The following HAO2 variants were observed in gnomAD, a reference collection of about 807,000 sequenced individuals.
HAO2 encodes the protein hydroxyacid oxidase 2, also known as 2-Hydroxyacid oxidase 2.
Under a neutral mutation model 37.4 loss-of-function variants are expected in HAO2, and 42 were observed. That is an observed-to-expected ratio of 1.12 (90% CI 0.88 to 1.45). The LOEUF is 1.45. HAO2 is among the 40% of genes most tolerant of loss of function. The pLI, the probability that HAO2 is intolerant of heterozygous loss-of-function variation, is 0.00. For synonymous variants in HAO2, 180 were observed against 162.8 expected, an observed-to-expected ratio of 1.11 and a Z score of -0.81; for missense variants, 476 against 430.2, an observed-to-expected ratio of 1.11 and a Z score of -0.94.
In HAO2 at chr1:119,384,882, T is replaced by C. The variant is rs778452808; in HGVS notation, c.390T>C (p.Tyr130=). Residue 130 remains tyrosine, a synonymous_variant, in exon 4 of 8, where the codon TAT becomes TAC. Coordinates refer to ENST00000325945, the MANE Select transcript of HAO2 (RefSeq NM_016527.4). ...AAGGCCTCCGATGGTTCCAACTCTA[T>C]GTGCATCCAGACCTGCAGCTGAACA... The part of the protein sequence containing the change: ...APEGLRWFQL[Y]VHPDLQLNKQ... The C allele has an allele frequency of 1.2e-6, 2 of 1,613,890 alleles. No individual in the cohort carries two copies. Among genetic ancestry groups the C allele is most frequent in the South Asian group, 1.1e-5 (1 of 91,086 alleles).
At chr1:119,369,312 C>A (rs1276634034) in intron 1 of HAO2, among the ~76,000 whole-genome samples, 1 of 152,168 alleles carries the variant, frequency 6.6e-6, no homozygotes, top group Non-Finnish European at 1.5e-5. Flanking sequence ...CATGGCTATG[C>A]TCCTAAAAAA....
chr1:119,379,315 A>C (rs1435959226), intron 1 of HAO2, among the ~76,000 whole-genome samples: 1 of 152,192 alleles, frequency 6.6e-6, no homozygotes, highest in African/African-American at 2.4e-5. Flanking sequence ...CACATTGTTT[A>C]TACAAACAGT....
chr1:119,387,875 T>C (rs1010057145), intron 5 of HAO2, among the ~76,000 whole-genome samples: 1 of 152,114 alleles, frequency 6.6e-6, no homozygotes, highest in Non-Finnish European at 1.5e-5. Context: ...TTCCAGGAAT[T>C]AGAAATTTGC....
chr1:119,374,373 G>T (rs1000098938), intron 1 of HAO2, among the ~76,000 whole-genome samples: 1 of 152,158 alleles, frequency 6.6e-6, no homozygotes, highest in African/African-American at 2.4e-5. Flanking sequence ...TGTTGACAAT[G>T]CCATGGTGAT....
At chr1:119,385,466 G>T in intron 4 of HAO2, 1 of 765,968 alleles carries the variant, frequency 1.3e-6, no homozygotes, top group Non-Finnish European at 1.6e-6. Flanking sequence ...CTCCAAAGGG[G>T]ATGTTCATGA....
Position 119,384,921 on chromosome 1 carries a change from G to A in HAO2, c.429G>A (p.Gln143=), listed in dbSNP as rs761660555. 1 of 1,613,934 alleles carries A rather than the reference G, an allele frequency of 6.2e-7. No individual in the cohort carries two copies. Among genetic ancestry groups the A allele is most frequent in the African/African-American group, 1.3e-5 (1 of 74,926 alleles). Residue 143 remains glutamine (Q), a synonymous_variant, in exon 4 of 8, where the codon CAG becomes CAA. Transcript: ENST00000325945. ...PDLQLNKQLI[Q]RVESLGFKAL... ...TGCAGCTGAACAAACAGTTGATCCA[G>A]AGGGTAGAATCCCTAGGTTTCAAAG...
In HAO2 at chr1:119,383,033, G is replaced by A. The variant is rs1346999515; in HGVS notation, c.250G>A (p.Val84Ile). Residue 84 changes from valine (V) to isoleucine (I), a missense_variant, in exon 3 of 8, where the codon GTC becomes ATC. Physicochemically the swap from Val to Ile is conservative, Grantham distance 29 (BLOSUM62 3). Coordinates refer to ENST00000325945, the MANE Select transcript of HAO2 (RefSeq NM_016527.4). ...CIAPTGFHCL[V>I]WPDGEMSTAR... ...CGCACCCACAGGGTTCCACTGCCTT[G>A]TCTGGCCTGATGGGGAAATGAGCAC... 1 of 1,613,212 alleles carries A rather than the reference G, an allele frequency of 6.2e-7. No homozygotes were observed. The highest frequency in any genetic ancestry group is 8.5e-7 in the Non-Finnish European group (1 of 1,179,556).
chr1:119,384,127 G>A (rs1321006682), intron 3 of HAO2, among the ~76,000 whole-genome samples: 1 of 152,180 alleles, frequency 6.6e-6, no homozygotes, highest in Non-Finnish European at 1.5e-5. Context: ...CTGCCAGTCA[G>A]CAGCAGCCAT....
intron 7 of HAO2, among the ~76,000 whole-genome samples, 183 bp downstream of exon 7, chr1:119,392,870 C>T (rs1169888733): frequency 1.3e-5 from 2 of 152,102 alleles, no homozygotes. Context: ...CCAGAGCTGT[C>T]CTCAAGATCA....
At position 119,383,023 on chromosome 1, in the gene HAO2, C is replaced by T. The variant is rs758076294; in HGVS notation, c.240C>T (p.Phe80=). The change falls in exon 3 of 8, where the codon TTC becomes TTT. Residue 80 remains phenylalanine (F), a synonymous_variant. Coordinates refer to ENST00000325945, the MANE Select transcript of HAO2 (RefSeq NM_016527.4). The part of the protein sequence containing the change: ...SAPICIAPTG[F]HCLVWPDGEM... ...CTATTTGTATCGCACCCACAGGGTTCCACTGCCTTGTCTGGCCTGATGGGG... is the reference window on the plus strand; with the variant it reads ...CTATTTGTATCGCACCCACAGGGTTTCACTGCCTTGTCTGGCCTGATGGGG... The T allele has an allele frequency of 2.5e-6, 4 of 1,612,950 alleles. No homozygotes were observed. In the Admixed American group the frequency reaches 6.7e-5, roughly 27 times the overall value.
intron 5 of HAO2, among the ~76,000 whole-genome samples, chr1:119,388,933 C>T (rs1361834419): frequency 6.6e-6 from 1 of 150,556 alleles, no homozygotes; most frequent in African/African-American, 2.4e-5. Flanking sequence ...CCTTCACACC[C>T]TTTCTCCCTT....
At chr1:119,389,799 G>A (rs1398296530) in intron 5 of HAO2, among the ~76,000 whole-genome samples, 2 of 151,984 alleles carry the variant, frequency 1.3e-5, no homozygotes, top group Admixed American at 1.3e-4. Flanking sequence ...TTAATTAAGT[G>A]CCAGCTATTT....
rs879822775 is a variant in HAO2, at chr1:119,368,809, G to T, written c.-102G>T. ...TAGCCTGAACTGTGGGTAGTGATGT[G>T]GTGTGTTTCCTAACACCTCCGGCAG... On this transcript the variant is annotated 5_prime_UTR_variant, in exon 1 of 8. Coordinates refer to ENST00000325945, the MANE Select transcript of HAO2 (RefSeq NM_016527.4). 1 of 152,164 alleles carries T rather than the reference G, an allele frequency of 6.6e-6. No individual in the cohort carries two copies. Among genetic ancestry groups the T allele is most frequent in the Non-Finnish European group, 1.5e-5 (1 of 68,032 alleles). 9.4% of individuals were successfully genotyped at this position (152,164 alleles called of 1,614,324 possible).
Position 119,393,878 on chromosome 1 carries a change from A to T in HAO2, c.*38A>T. 6.2e-7 allele frequency: 1 copy of T among 1,612,018 alleles called. No individual in the cohort carries two copies. The highest frequency in any genetic ancestry group is 8.5e-7 in the Non-Finnish European group (1 of 1,178,442). On this transcript the variant is annotated 3_prime_UTR_variant, in exon 8 of 8. Coordinates refer to ENST00000325945, the MANE Select transcript of HAO2 (RefSeq NM_016527.4). Reference sequence around the variant, plus strand: ...AATAACCAGACTGCTGAGGTTGCCCACAGGAGGATCACAAACTCACAGCAC... The same window carrying T: ...AATAACCAGACTGCTGAGGTTGCCCTCAGGAGGATCACAAACTCACAGCAC...
At chr1:119,370,940 G>A (rs778044199) in intron 1 of HAO2, among the ~76,000 whole-genome samples, 1 of 152,218 alleles carries the variant, frequency 6.6e-6, no homozygotes, top group Non-Finnish European at 1.5e-5. Context: ...CTAGTGGACA[G>A]AGTAGACGTC....
At chr1:119,379,686 G>C (rs1649763217) in intron 1 of HAO2, among the ~76,000 whole-genome samples, 1 of 152,118 alleles carries the variant, frequency 6.6e-6, no homozygotes, top group African/African-American at 2.4e-5. Context: ...TGCTATGGCT[G>C]GGCTCCAAAT....
At chr1:119,373,915 CT>C (rs1351768250) in intron 1 of HAO2, among the ~76,000 whole-genome samples, 1 of 152,266 alleles carries the variant, frequency 6.6e-6, no homozygotes, top group African/African-American at 2.4e-5. Context: ...GTTCAGAAGG[CT>C]CCTGCATCCT....
rs758209452 is a variant in HAO2, at chr1:119,386,805, A to G, written c.745A>G (p.Arg249Gly). Residue 249 changes from arginine (R) to glycine (G), a missense_variant, in exon 5 of 8, where the codon AGG (arginine) becomes GGG (glycine). Physicochemically the swap from Arg to Gly is moderately radical, Grantham distance 125 (BLOSUM62 -2). Coordinates refer to ENST00000325945, the MANE Select transcript of HAO2 (RefSeq NM_016527.4). ...TATCATTGTTTCCAACCATGGTGGGAGGCAGCTTGATGAGGTTCTTGCTTC... is the reference window on the plus strand; with the variant it reads ...TATCATTGTTTCCAACCATGGTGGGGGGCAGCTTGATGAGGTTCTTGCTTC... ...QGIIVSNHGGRQLDEVLASID... is the reference protein window; with the variant it reads ...QGIIVSNHGGGQLDEVLASID... 9.3e-6 allele frequency: 15 copies of G among 1,612,536 alleles called. No individual in the cohort carries two copies. Among genetic ancestry groups the G allele is most frequent in the Non-Finnish European group, 1.2e-5 (14 of 1,178,712 alleles).
chr1:119,379,362 GGAACCCTGTT>G (rs1334433680), intron 1 of HAO2, among the ~76,000 whole-genome samples: 2 of 152,060 alleles, frequency 1.3e-5, no homozygotes, highest in Admixed American at 6.6e-5. Context: ...GGGAACACTG[GGAACCCTGTT>G]GAAATCCAAG....
Sources: gnomAD v4.1 joint callset for allele counts (sites outside exome capture counted in the v4.1 genomes callset) on GRCh38, gnomAD v4.1.1 for gene constraint, MANE v1.5 for transcripts, NCBI Gene and HGNC (gene_info 2026-07-23, HGNC 2026-07-21) for gene names.